The following FLI1 variants were observed in gnomAD, a reference collection of about 807,000 sequenced individuals.
FLI1 encodes Fli-1 proto-oncogene, ETS transcription factor, also known as Friend leukemia integration 1 transcription factor.
FLI1 carries 13 observed loss-of-function variants against 53.1 expected under a neutral mutation model. The observed-to-expected ratio is 0.24, with a 90% confidence interval of 0.16 to 0.39. The LOEUF (loss-of-function observed/expected upper bound fraction) is 0.39, where lower values mean the gene tolerates loss of function less well. Ranked by LOEUF, FLI1 falls within the 10% of genes least tolerant of loss-of-function variation. The pLI is 1.00. For synonymous variants in FLI1, 244 were observed against 236.7 expected, an observed-to-expected ratio of 1.03 and a Z score of -0.28; for missense variants, 424 against 600.5, an observed-to-expected ratio of 0.71 and a Z score of 3.07.
chr11:128,726,020 G>C (rs1014810124), intron 1 of FLI1, among the ~76,000 whole-genome samples: 16 of 152,186 alleles, frequency 1.1e-4, no homozygotes, highest in African/African-American at 3.9e-4. Flanking sequence ...GAATGGCTCC[G>C]TGCTTCAGCT....
At chr11:128,745,319 G>A (rs1477707284) in intron 1 of FLI1, among the ~76,000 whole-genome samples, 1 of 152,140 alleles carries the variant, frequency 6.6e-6, no homozygotes, top group East Asian at 1.9e-4. Flanking sequence ...CACAGGAACT[G>A]CGCAGAGACG....
In FLI1 at chr11:128,744,218, G is replaced by T. The variant is rs76493043; in HGVS notation, c.19-13897G>T. 4.0e-3 allele frequency among the ~76,000 whole-genome samples: 605 copies of T among 152,314 alleles called. 5 individuals carry two copies. The highest frequency in any genetic ancestry group is 0.014 in the African/African-American group (581 of 41,556). On this transcript the variant is annotated intron_variant, in intron 1 of 8. Transcript: ENST00000527786. The stretch of plus-strand genomic sequence containing the variant: ...GCATCAACAAAAGTGGGATAATTTT[G>T]AGCGGGATAAGCATTTCCTGGAACA...
intron 1 of FLI1, among the ~76,000 whole-genome samples, chr11:128,755,568 C>T (rs1260589853): frequency 6.6e-6 from 1 of 152,162 alleles, no homozygotes; most frequent in African/African-American, 2.4e-5. Context: ...AACCATAATT[C>T]CTTGAGCCCA....
chr11:128,757,660 C>G (rs555836538), intron 1 of FLI1, among the ~76,000 whole-genome samples: 8 of 152,330 alleles, frequency 5.3e-5, no homozygotes, highest in Middle Eastern at 3.4e-3. Context: ...TCTCACTGGC[C>G]TTGCCTGGAA....
rs571162003 is a variant in FLI1 at position 128,781,442 on chromosome 11, G to A, written c.590-516G>A. ...GACAAAGCAAAACAAAAACTAAGAA[G>A]ACTGTGCAACAGAGATTGTAGTTAG... On this transcript the variant is annotated intron_variant, in intron 4 of 8. Transcript: ENST00000527786. Among the ~76,000 whole-genome samples the A allele has an allele frequency of 3.0e-4, 45 of 152,348 alleles. No homozygotes were observed. In the South Asian group the frequency reaches 7.5e-3, roughly 25 times the overall value.
At chr11:128,695,977 T>C (rs1938055713) in intron 1 of FLI1, 1 of 152,152 alleles carries the variant, frequency 6.6e-6, no homozygotes, top group Non-Finnish European at 1.5e-5. Context: ...GTGGACACCC[T>C]AAGGAAAAGT....
At chr11:128,698,067 T>C (rs2135695863) in intron 1 of FLI1, among the ~76,000 whole-genome samples, 1 of 152,124 alleles carries the variant, frequency 6.6e-6, no homozygotes, top group Admixed American at 6.5e-5. Flanking sequence ...ACACAGCCAG[T>C]CAACAATGGA....
intron 3 of FLI1, chr11:128,768,533 A>G (rs1231271): frequency 4.6e-6 from 2 of 431,984 alleles, no homozygotes; most frequent in South Asian, 2.5e-5. Context: ...AAAAAAAAAT[A>G]CAAAAATTAG....
chr11:128,694,907 G>T (rs1937976152), intron 1 of FLI1, among the ~76,000 whole-genome samples: 1 of 152,164 alleles, frequency 6.6e-6, no homozygotes, highest in Non-Finnish European at 1.5e-5. Context: ...CTAGGCGCTG[G>T]AGAGCCGCCG....
upstream of FLI1, among the ~76,000 whole-genome samples, chr11:128,685,706 G>A (rs555331492): frequency 0.01 from 620 of 60,630 alleles, 10 homozygotes; most frequent in Middle Eastern, 0.087. Context: ...GGCTTGAGGA[G>A]CCAAAAAAAA....
intron 2 of FLI1, among the ~76,000 whole-genome samples, chr11:128,762,458 G>A (rs1329984068): frequency 1.3e-5 from 2 of 152,174 alleles, no homozygotes; most frequent in Non-Finnish European, 2.9e-5. Context: ...GTTGAAAATT[G>A]AAATGTGCTC....
chr11:128,760,737 C>T (rs547530043), intron 2 of FLI1, among the ~76,000 whole-genome samples: 4 of 151,866 alleles, frequency 2.6e-5, no homozygotes, highest in African/African-American at 7.3e-5. Context: ...TATGTTGGCC[C>T]GGCTGGTCTT....
chr11:128,784,132 GCT>G (rs1413351837), intron 5 of FLI1, among the ~76,000 whole-genome samples: 4 of 152,088 alleles, frequency 2.6e-5, no homozygotes. Context: ...CTGAAGCAGA[GCT>G]AATGAAATAT....
At chr11:128,732,756 T>G (rs1250567329) in intron 1 of FLI1, among the ~76,000 whole-genome samples, 4 of 152,160 alleles carry the variant, frequency 2.6e-5, no homozygotes, top group African/African-American at 4.8e-5. Flanking sequence ...GTTATGATTC[T>G]AAAAAACCAA....
intron 5 of FLI1, among the ~76,000 whole-genome samples, chr11:128,785,549 C>T (rs1227093019): frequency 6.6e-6 from 1 of 152,140 alleles, no homozygotes; most frequent in Non-Finnish European, 1.5e-5. Context: ...CAATACCTAG[C>T]CTAAATGTAA....
intron 1 of FLI1, among the ~76,000 whole-genome samples, chr11:128,742,824 T>C (rs944419840): frequency 5.3e-5 from 8 of 152,278 alleles, no homozygotes; most frequent in African/African-American, 1.9e-4. Flanking sequence ...TATGCATTTG[T>C]TGGTTTTACG....
intron 1 of FLI1, among the ~76,000 whole-genome samples, chr11:128,696,668 C>T (rs762634699): frequency 2.6e-5 from 4 of 152,300 alleles, no homozygotes; most frequent in East Asian, 1.9e-4. Context: ...TCGAGGTTGA[C>T]GACACTCTAG....
intron 1 of FLI1, among the ~76,000 whole-genome samples, chr11:128,733,313 C>T (rs959941601): frequency 1.3e-5 from 2 of 152,038 alleles, no homozygotes; most frequent in East Asian, 1.9e-4. Flanking sequence ...TGGAATGGTC[C>T]CGGGAATCTT....
intron 5 of FLI1, among the ~76,000 whole-genome samples, chr11:128,786,995 T>C (rs545563269): frequency 6.6e-6 from 1 of 152,236 alleles, no homozygotes; most frequent in East Asian, 1.9e-4. Context: ...GGAATGGCCA[T>C]CTCCAGCCAT....
Sources: allele counts gnomAD v4.1 joint callset (sites outside exome capture counted in the v4.1 genomes callset), GRCh38; gene constraint gnomAD v4.1.1; transcripts MANE v1.5; gene names NCBI Gene and HGNC (gene_info 2026-07-23, HGNC 2026-07-21).